CNTNAP3B: variants seen among roughly 807,000 people sequenced by gnomAD.
CNTNAP3B encodes contactin associated protein family member 3B.
Under a neutral mutation model 108.9 loss-of-function variants are expected in CNTNAP3B, and 25 were observed. That is an observed-to-expected ratio of 0.23 (90% CI 0.17 to 0.32). The LOEUF is 0.32. CNTNAP3B is among the 10% of genes least tolerant of loss of function. The pLI is 1.00. For missense variants in CNTNAP3B, 252 were observed against 1,210.4 expected (o/e 0.21, Z 11.75); for synonymous variants, 103 against 473.4 (o/e 0.22, Z 10.16).
chr9:42,086,117 G>A (rs959383410), intron 2 of CNTNAP3B, among the ~76,000 whole-genome samples: 2 of 140,594 alleles, frequency 1.4e-5, no homozygotes, highest in Non-Finnish European at 3.1e-5. Context: ...CATGGCAGAA[G>A]GCGAAAAGCA....
chr9:42,049,279 T>A (rs1826930953), intron 3 of CNTNAP3B, among the ~76,000 whole-genome samples: 1 of 139,206 alleles, frequency 7.2e-6, no homozygotes, highest in Non-Finnish European at 1.5e-5. Context: ...TATTCCCAGA[T>A]CTCTCACTCC....
chr9:42,091,190 G>C (rs1827814745), intron 2 of CNTNAP3B, among the ~76,000 whole-genome samples: 1 of 17,706 alleles, frequency 5.6e-5, no homozygotes, highest in African/African-American at 1.5e-4. Context: ...TAAGAGAGTT[G>C]TTTGGATATT....
At chr9:41,919,516 AT>A (rs1249667806) in intron 18 of CNTNAP3B, among the ~76,000 whole-genome samples, 1 of 152,308 alleles carries the variant, frequency 6.6e-6, no homozygotes, top group Non-Finnish European at 1.5e-5. Flanking sequence ...TGTTTGAGTG[AT>A]CCTGTTAATG....
rs556058542 is a variant in CNTNAP3B at position 42,034,208 on chromosome 9, A to G, written c.391-20683T>C. The stretch of plus-strand genomic sequence containing the variant: ...TATGTATCTATCTATCTATCTATCT[A>G]TCTATTTCTCATCTATACATAATAA... On this transcript the variant is annotated intron_variant, in intron 3 of 23. Coordinates refer to ENST00000377561, the MANE Select transcript of CNTNAP3B (RefSeq NM_001201380.3). Among the ~76,000 whole-genome samples the G allele has an allele frequency of 5.9e-5, 8 of 135,238 alleles. 2 individuals are homozygous for G. Among genetic ancestry groups the G allele is most frequent in the Non-Finnish European group, 1.1e-4 (7 of 63,902 alleles). 88.7% of individuals were successfully genotyped at this position (135,238 alleles called of 152,430 possible).
rs1367493427 is a variant in CNTNAP3B at position 42,119,540 on chromosome 9, G to T, written c.85+9470C>A. Among the ~76,000 whole-genome samples, 4 of 126,040 alleles carry T rather than the reference G, an allele frequency of 3.2e-5. 1 individual carries two copies. Among genetic ancestry groups the T allele is most frequent in the African/African-American group, 1.3e-4 (4 of 30,906 alleles). The allele number at this position is 126,040 out of a possible 152,430, so 82.7% of individuals were successfully genotyped here. On this transcript the variant is annotated intron_variant, in intron 1 of 23. Transcript: ENST00000377561. ...TTGCCAAGTCAATCCTAAGCCAAAA[G>T]AACAAAGCTGGAGGCATCACACTAC...
At chr9:41,944,974 T>G (rs1310149430) in intron 13 of CNTNAP3B, among the ~76,000 whole-genome samples, 3 of 151,078 alleles carry the variant, frequency 2.0e-5, no homozygotes, top group Non-Finnish European at 4.5e-5. Flanking sequence ...CAGACACTTC[T>G]CAAAAGAAGA....
At chr9:41,935,156 T>C (rs1301420140) in intron 14 of CNTNAP3B, among the ~76,000 whole-genome samples, 12 of 152,310 alleles carry the variant, frequency 7.9e-5, no homozygotes, top group African/African-American at 2.9e-4. Context: ...TAAATATATG[T>C]TTTTATAATA....
At chr9:41,966,204 C>A (rs1293427866) in intron 10 of CNTNAP3B, among the ~76,000 whole-genome samples, 34 of 152,288 alleles carry the variant, frequency 2.2e-4, no homozygotes, top group Admixed American at 1.3e-4. Flanking sequence ...CCTCCCCTTC[C>A]TTCTTAATAT....
At chr9:42,112,384 C>A (rs1828209388) in intron 1 of CNTNAP3B, among the ~76,000 whole-genome samples, 1 of 139,366 alleles carries the variant, frequency 7.2e-6, no homozygotes, top group African/African-American at 2.9e-5. Flanking sequence ...AGCCACACAG[C>A]AGCCATGTGC....
At chr9:41,920,722 G>T (rs1823643828) in intron 17 of CNTNAP3B, among the ~76,000 whole-genome samples, 1 of 152,312 alleles carries the variant, frequency 6.6e-6, no homozygotes, top group Admixed American at 6.5e-5. Context: ...GCATTATAAT[G>T]GTTAGGTATG....
chr9:41,943,071 T>C (rs1484920064), intron 13 of CNTNAP3B, among the ~76,000 whole-genome samples: 1 of 152,292 alleles, frequency 6.6e-6, no homozygotes, highest in Non-Finnish European at 1.5e-5. Flanking sequence ...TAATAATCAA[T>C]ATGCTAAGGG....
rs1351313563 is a variant in CNTNAP3B, at chr9:42,089,818, C to T, written c.197-12756G>A. On this transcript the variant is annotated intron_variant, in intron 2 of 23. Coordinates refer to ENST00000377561, the MANE Select transcript of CNTNAP3B (RefSeq NM_001201380.3). ...TTATCACACAGGTTTCTAAATTATC[C>T]TTGTCTATGAAATTCATTCCCATAC... Among the ~76,000 whole-genome samples, 7 of 140,366 alleles carry T rather than the reference C, an allele frequency of 5.0e-5. 2 individuals are homozygous for T. Among genetic ancestry groups the T allele is most frequent in the Non-Finnish European group, 3.1e-5 (2 of 65,188 alleles). The allele number at this position is 140,366 out of a possible 152,430, so 92.1% of individuals were successfully genotyped here.
intron 2 of CNTNAP3B, among the ~76,000 whole-genome samples, chr9:42,080,515 A>G (rs1386008663): frequency 2.9e-5 from 4 of 137,606 alleles, no homozygotes; most frequent in Non-Finnish European, 6.2e-5. Flanking sequence ...GATAGCACTA[A>G]TCTGTGTGCC....
At chr9:42,055,262 C>T (rs1266180458) in intron 3 of CNTNAP3B, among the ~76,000 whole-genome samples, 2 of 131,384 alleles carry the variant, frequency 1.5e-5, no homozygotes, top group Non-Finnish European at 3.2e-5. Context: ...TCTTATATGT[C>T]CTTCTAGAAA....
chr9:42,058,182 C>G (rs1827113106), intron 3 of CNTNAP3B, among the ~76,000 whole-genome samples: 1 of 148,292 alleles, frequency 6.7e-6, no homozygotes, highest in Non-Finnish European at 1.5e-5. Context: ...CATGGTTGTA[C>G]AGATATCTAA....
At chr9:41,925,401 G>A (rs1244354965) in intron 15 of CNTNAP3B, among the ~76,000 whole-genome samples, 1 of 152,164 alleles carries the variant, frequency 6.6e-6, no homozygotes, top group Non-Finnish European at 1.5e-5. Context: ...AGACCATCCT[G>A]GCTAACACGG....
chr9:41,942,502 T>TC (rs1202166892), intron 13 of CNTNAP3B, among the ~76,000 whole-genome samples: 3 of 151,242 alleles, frequency 2.0e-5, no homozygotes, highest in Non-Finnish European at 3.0e-5. Context: ...TCCCAGCTAC[T>TC]GGGGAGGCTG....
Position 41,929,595 on chromosome 9 carries a change from T to G in CNTNAP3B, c.2238-151A>C, listed in dbSNP as rs1020667983. 3.6e-5 allele frequency among the ~76,000 whole-genome samples: 5 copies of G among 139,302 alleles called. 2 individuals carry two copies. The highest frequency in any genetic ancestry group is 1.4e-4 in the African/African-American group (5 of 34,930). 91.4% of individuals were successfully genotyped at this position (139,302 alleles called of 152,430 possible). A position where few individuals can be genotyped will look rare whatever the true frequency, so the allele number is the denominator to read the frequency against. ...TATTTTGAGAGCACAGAGACTACCA[T>G]GAATCTAAATCAGGGATGGGCAAAC... On this transcript the variant is annotated intron_variant, in intron 14 of 23. Transcript: ENST00000377561.
intron 18 of CNTNAP3B, among the ~76,000 whole-genome samples, chr9:41,919,687 G>A (rs1393413886): frequency 1.3e-5 from 2 of 152,076 alleles, no homozygotes; most frequent in African/African-American, 4.8e-5. Context: ...TCCGGCCTGG[G>A]CAACAGAGAG....
Sources: gnomAD v4.1 joint callset for allele counts (sites outside exome capture counted in the v4.1 genomes callset) on GRCh38, gnomAD v4.1.1 for gene constraint, MANE v1.5 for transcripts, NCBI Gene and HGNC (gene_info 2026-07-23, HGNC 2026-07-21) for gene names.